The following COL19A1 variants were observed in gnomAD, a reference collection of about 807,000 sequenced individuals.
COL19A1 encodes collagen type XIX alpha 1 chain, also known as collagen alpha-1(XIX) chain.
Under a neutral mutation model 190.2 loss-of-function variants are expected in COL19A1, and 159 were observed. The ratio of observed to expected loss-of-function variants is 0.84; its 90% CI spans 0.73 to 0.95. The LOEUF is 0.95. Ranked by LOEUF, COL19A1 falls within the 40% of genes least tolerant of loss-of-function variation. The pLI, the probability that COL19A1 is intolerant of heterozygous loss-of-function variation, is 0.00. For synonymous variants in COL19A1, 509 were observed against 458.9 expected (o/e 1.11, Z -1.39); for missense variants, 1,418 against 1,431.9 (o/e 0.99, Z 0.16).
chr6:69,963,393 A>G (rs1774914251), intron 11 of COL19A1, among the ~76,000 whole-genome samples: 2 of 152,226 alleles, frequency 1.3e-5, no homozygotes, highest in African/African-American at 2.4e-5. Flanking sequence ...GGGATTGTGC[A>G]GTATCCCAGG....
rs150853504 is a variant in COL19A1, at chr6:70,023,590, T to C, written c.1027-37T>C. The stretch of plus-strand genomic sequence containing the variant: ...TTTTTTGCTAGCAAAGGTTTTCAGA[T>C]ATAAGATTTTTCATTGTATAAATTG... On this transcript the variant is annotated intron_variant, in intron 11 of 50. Transcript: ENST00000620364. 27 of 1,549,780 alleles carry C rather than the reference T, an allele frequency of 1.7e-5. No individual in the cohort carries two copies. In the East Asian group the frequency reaches 5.4e-4, roughly 31 times the overall value.
At chr6:70,095,193 T>C (rs950758258) in intron 15 of COL19A1, among the ~76,000 whole-genome samples, 2 of 152,226 alleles carry the variant, frequency 1.3e-5, no homozygotes, top group Non-Finnish European at 2.9e-5. Flanking sequence ...TTGTTGCATG[T>C]AGTTCAATTT....
chr6:70,204,343 G>GA (rs899969349), intron 49 of COL19A1, among the ~76,000 whole-genome samples: 7 of 151,874 alleles, frequency 4.6e-5, no homozygotes, highest in South Asian at 4.2e-4. Flanking sequence ...TGATAAAAAA[G>GA]AAAAAAAACC....
intron 16 of COL19A1, among the ~76,000 whole-genome samples, chr6:70,120,192 T>C (rs1784807783): frequency 6.6e-6 from 1 of 152,234 alleles, no homozygotes; most frequent in Admixed American, 6.5e-5. Context: ...TTAAGAGTTC[T>C]AATAATTAAG....
At chr6:70,193,201 A>C (rs1766990041) in intron 48 of COL19A1, among the ~76,000 whole-genome samples, 1 of 151,894 alleles carries the variant, frequency 6.6e-6, no homozygotes, top group Non-Finnish European at 1.5e-5. Context: ...TGCCCTGTGC[A>C]TTCAGCAAAA....
At chr6:69,880,626 T>G (rs928042287) in intron 2 of COL19A1, among the ~76,000 whole-genome samples, 1 of 152,236 alleles carries the variant, frequency 6.6e-6, no homozygotes, top group Non-Finnish European at 1.5e-5. Flanking sequence ...CAGAGTGTTA[T>G]GTAAGTCTTT....
chr6:69,981,984 C>T (rs1335013283), intron 11 of COL19A1, among the ~76,000 whole-genome samples: 1 of 151,990 alleles, frequency 6.6e-6, no homozygotes, highest in African/African-American at 2.4e-5. Context: ...TACAATAATA[C>T]ACAAATGAAA....
chr6:70,161,147 G>A (rs1301042628), intron 34 of COL19A1, among the ~76,000 whole-genome samples: 1 of 152,114 alleles, frequency 6.6e-6, no homozygotes, highest in African/African-American at 2.4e-5. Context: ...TTATGCTTAA[G>A]CCATTAAAGC....
chr6:69,906,199 T>A (rs1042529631), intron 4 of COL19A1, among the ~76,000 whole-genome samples: 3 of 152,186 alleles, frequency 2.0e-5, no homozygotes, highest in African/African-American at 7.2e-5. Context: ...TAAAATGTCT[T>A]AGTATTGAAT....
At chr6:70,077,429 A>G (rs1308651805) in intron 15 of COL19A1, among the ~76,000 whole-genome samples, 1 of 152,052 alleles carries the variant, frequency 6.6e-6, no homozygotes, top group African/African-American at 2.4e-5. Context: ...ACTTTTTCTC[A>G]TTTTCCTCAA....
intron 14 of COL19A1, among the ~76,000 whole-genome samples, chr6:70,040,685 G>T (rs1460861325): frequency 6.6e-6 from 1 of 151,930 alleles, no homozygotes; most frequent in Non-Finnish European, 1.5e-5. Context: ...CTGCCTTGGA[G>T]AAAAGAAAAG....
At chr6:70,190,174 A>G (rs1766771571) in intron 47 of COL19A1, 141 bp from the exon 48 acceptor site, 1 of 658,556 alleles carries the variant, frequency 1.5e-6, no homozygotes, top group Non-Finnish European at 2.7e-6. Flanking sequence ...TTATTGCCCA[A>G]TATAATCAAT....
At chr6:70,050,240 G>A (rs953230605) in intron 14 of COL19A1, among the ~76,000 whole-genome samples, 19 of 152,124 alleles carry the variant, frequency 1.2e-4, no homozygotes, top group African/African-American at 4.1e-4. Flanking sequence ...TGATGTTATT[G>A]TTAGTTAATA....
At chr6:70,036,551 A>C (rs916850051) in intron 14 of COL19A1, among the ~76,000 whole-genome samples, 50 of 152,164 alleles carry the variant, frequency 3.3e-4, no homozygotes, top group African/African-American at 9.4e-4. Context: ...TAAATATATG[A>C]TTCTCTTATA....
chr6:69,909,039 T>G (rs940163869), intron 4 of COL19A1, among the ~76,000 whole-genome samples: 21 of 152,152 alleles, frequency 1.4e-4, no homozygotes, highest in African/African-American at 4.3e-4. Context: ...GTTCCTATAG[T>G]AAGAAACAAT....
chr6:70,209,536 G>A lies in COL19A1; in HGVS notation c.*2262G>A, dbSNP rs1045680072. ...TGTCATGCATTCTTTCTTATGAATT[G>A]TATATTTAGAAATCTTTCTAAATAC... On this transcript the variant is annotated 3_prime_UTR_variant, in exon 51 of 51. Transcript: ENST00000620364. The A allele has an allele frequency of 6.6e-6, 1 of 151,874 alleles. No individual in the cohort carries two copies. Among genetic ancestry groups the A allele is most frequent in the African/African-American group, 2.4e-5 (1 of 41,340 alleles). 9.4% of individuals were successfully genotyped at this position (151,874 alleles called of 1,614,324 possible).
At chr6:70,008,688 G>A (rs367710279) in intron 11 of COL19A1, among the ~76,000 whole-genome samples, 9 of 151,836 alleles carry the variant, frequency 5.9e-5, no homozygotes, top group African/African-American at 2.2e-4. Flanking sequence ...CATTTTATGA[G>A]GCCAATATTA....
chr6:69,873,906 T>A (rs1204464880), intron 1 of COL19A1, among the ~76,000 whole-genome samples: 1 of 152,244 alleles, frequency 6.6e-6, no homozygotes. Flanking sequence ...TATATTAGCT[T>A]GAGGTTCTTC....
intron 14 of COL19A1, among the ~76,000 whole-genome samples, chr6:70,066,169 G>A (rs1781183277): frequency 1.3e-5 from 2 of 152,188 alleles, no homozygotes; most frequent in East Asian, 1.9e-4. Flanking sequence ...TTGCAGCACT[G>A]CTCACAATAG....
Sources: allele counts gnomAD v4.1 joint callset (sites outside exome capture counted in the v4.1 genomes callset), GRCh38; gene constraint gnomAD v4.1.1; transcripts MANE v1.5; gene names NCBI Gene and HGNC (gene_info 2026-07-23, HGNC 2026-07-21).